PCDHGA4: variants seen among roughly 807,000 people sequenced by gnomAD.
PCDHGA4 encodes protocadherin gamma subfamily A, 4.
A neutral mutation model predicts 54.6 loss-of-function variants in PCDHGA4; 38 were observed. The observed-to-expected ratio is 0.70, with a 90% CI of 0.54 to 0.91. The LOEUF (loss-of-function observed/expected upper bound fraction) is 0.91. PCDHGA4 is among the 40% of genes least tolerant of loss of function. The pLI is 0.00. For synonymous variants in PCDHGA4, 511 were observed against 512.9 expected, an observed-to-expected ratio of 1.00 and a Z score of 0.05; for missense variants, 1,298 against 1,220.9, an observed-to-expected ratio of 1.06 and a Z score of -0.94.
chr5:141,445,416 T>C lies in PCDHGA4; in HGVS notation c.2515-49391T>C, dbSNP rs190826518. ...TAACAAATATTTATTAACTGTCTGC[T>C]ATATGCAAGGCACTGACCTATGGAC... On this transcript the variant is annotated intron_variant, in intron 1 of 3. Coordinates refer to ENST00000571252, the MANE Select transcript of PCDHGA4 (RefSeq NM_018917.4). 2.2e-3 allele frequency among the ~76,000 whole-genome samples: 336 copies of C among 152,342 alleles called. 1 individual carries two copies. The highest frequency in any genetic ancestry group is 0.01 in the Middle Eastern group (3 of 294).
intron 1 of PCDHGA4, chr5:141,403,543 G>C (rs1228327431): frequency 1.2e-6 from 2 of 1,614,006 alleles, no homozygotes; most frequent in Non-Finnish European, 1.7e-6. Context: ...TGGTGCTGGA[G>C]CGCGCCCTGG....
At chr5:141,421,619 C>G in intron 1 of PCDHGA4, 1 of 1,613,694 alleles carries the variant, frequency 6.2e-7, no homozygotes, top group Non-Finnish European at 8.5e-7. Flanking sequence ...AATGATAACG[C>G]CCCCAGCTTC....
chr5:141,448,145 A>G (rs2098568457), intron 1 of PCDHGA4, among the ~76,000 whole-genome samples: 1 of 151,716 alleles, frequency 6.6e-6, no homozygotes, highest in South Asian at 2.1e-4. Flanking sequence ...TATACCTCAG[A>G]CTCACCCCTG....
Position 141,477,763 on chromosome 5 carries a change from C to G in PCDHGA4, c.2515-17044C>G, listed in dbSNP as rs763322593. The G allele has an allele frequency of 6.2e-7, 1 of 1,614,012 alleles. No homozygotes were observed. Among genetic ancestry groups the G allele is most frequent in the Non-Finnish European group, 8.5e-7 (1 of 1,180,032 alleles). Reference sequence around the variant, plus strand: ...ATGGGGGCACCCCGGTCCTAGCCACCAACATCAGCGTGAACATATTTGTCA... The same window carrying G: ...ATGGGGGCACCCCGGTCCTAGCCACGAACATCAGCGTGAACATATTTGTCA... On this transcript the variant is annotated intron_variant, in intron 1 of 3. Transcript: ENST00000571252. This position sits in a 1 kb window ranked among gnomAD's most constrained non-coding sequence, Gnocchi z 4.9.
At position 141,414,317 on chromosome 5, in the gene PCDHGA4, AG is replaced by A. The variant is rs757847465; in HGVS notation, c.2514+56697del. On this transcript the variant is annotated intron_variant, in intron 1 of 3. Transcript: ENST00000571252. The stretch of plus-strand genomic sequence containing the variant: ...TTAAATGTGCATGATTTAGACTCTG[AG>A]CAGAATGGACAGGTAACCTGTTCCA... The A allele has an allele frequency of 1.9e-6, 3 of 1,613,828 alleles. No individual in the cohort carries two copies. In the South Asian group the frequency reaches 3.3e-5, roughly 18 times the overall value.
Position 141,361,114 on chromosome 5 carries a change from C to G in PCDHGA4, c.2514+3493C>G, listed in dbSNP as rs1440406378. 11 of 1,613,872 alleles carry G rather than the reference C, an allele frequency of 6.8e-6. No individual in the cohort carries two copies. The highest frequency in any genetic ancestry group is 4.5e-5 in the East Asian group (2 of 44,896). On this transcript the variant is annotated intron_variant, in intron 1 of 3. Coordinates refer to ENST00000571252, the MANE Select transcript of PCDHGA4 (RefSeq NM_018917.4). Reference sequence around the variant, plus strand: ...TATCGAAGCAAAAGATCCTGGAGATCTAGCAGCCCACTGCAGTATCCAAGT... The same window carrying G: ...TATCGAAGCAAAAGATCCTGGAGATGTAGCAGCCCACTGCAGTATCCAAGT...
At chr5:141,421,601 T>C (rs1309928984) in intron 1 of PCDHGA4, 19 of 1,613,652 alleles carry the variant, frequency 1.2e-5, no homozygotes, top group Non-Finnish European at 1.6e-5. Context: ...GTGGAAATAA[T>C]AGATATTAAT....
intron 1 of PCDHGA4, chr5:141,440,535 G>A (rs1305958587): frequency 1.3e-5 from 2 of 152,154 alleles, no homozygotes; most frequent in East Asian, 1.9e-4. Flanking sequence ...CATGCACCAC[G>A]GTTCAGCAGG....
chr5:141,430,795 G>T (rs918154748), intron 1 of PCDHGA4: 7 of 1,522,458 alleles, frequency 4.6e-6, no homozygotes, highest in Non-Finnish European at 6.2e-6. Flanking sequence ...ACTACAAAGG[G>T]CTTGTCCTGC....
At chr5:141,478,251 T>C in intron 1 of PCDHGA4, 1 of 1,614,072 alleles carries the variant, frequency 6.2e-7, no homozygotes, top group Non-Finnish European at 8.5e-7. Context: ...GTGTTCGGAG[T>C]AATCATATTC....
intron 1 of PCDHGA4, chr5:141,441,550 G>C (rs2098254247): frequency 5.4e-6 from 1 of 184,034 alleles, no homozygotes; most frequent in Non-Finnish European, 1.1e-5. Context: ...AGCCTCCATA[G>C]TGTGCAAGTA....
chr5:141,370,214 C>T (rs988145754), intron 1 of PCDHGA4: 21 of 565,608 alleles, frequency 3.7e-5, no homozygotes, highest in African/African-American at 3.8e-5. Context: ...ATTGGCTCCT[C>T]CCGCTGCAGC....
chr5:141,434,092 A>C (rs1333686339), intron 1 of PCDHGA4, among the ~76,000 whole-genome samples: 1 of 152,172 alleles, frequency 6.6e-6, no homozygotes, highest in Non-Finnish European at 1.5e-5. Context: ...TTTGATGCTG[A>C]AATTGTCCCA....
intron 1 of PCDHGA4, chr5:141,384,016 G>A: frequency 6.2e-7 from 1 of 1,613,744 alleles, no homozygotes; most frequent in Non-Finnish European, 8.5e-7. Flanking sequence ...CTACCTACAA[G>A]ACAGAGATTC....
Position 141,357,010 on chromosome 5 carries a change from C to T in PCDHGA4, c.1903C>T (p.Leu635=), listed in dbSNP as rs1340112030. 1.2e-6 allele frequency: 2 copies of T among 1,614,032 alleles called. No homozygotes were observed. The highest frequency in any genetic ancestry group is 3.3e-5 in the Admixed American group (2 of 60,012). The change falls in exon 1 of 4, where the codon CTG becomes TTG. Residue 635 remains leucine (L), a synonymous_variant. Transcript: ENST00000571252. Reference sequence around the variant, plus strand: ...CAGAGACTCAGGTCAGAATGCCTGGCTGTCCTACAGCCTACTCAAGTCCAG... The same window carrying T: ...CAGAGACTCAGGTCAGAATGCCTGGTTGTCCTACAGCCTACTCAAGTCCAG... ...VDRDSGQNAW[L]SYSLLKSSEP... is the part of the protein sequence containing the mutation.
chr5:141,422,800 C>T, intron 1 of PCDHGA4: 1 of 1,614,214 alleles, frequency 6.2e-7, no homozygotes, highest in Non-Finnish European at 8.5e-7. Context: ...CGACTATGAG[C>T]AGTTTCGAGA....
intron 1 of PCDHGA4, among the ~76,000 whole-genome samples, chr5:141,445,119 T>C (rs975225604): frequency 1.3e-5 from 2 of 152,270 alleles, no homozygotes; most frequent in African/African-American, 4.8e-5. Context: ...TTGTAAATAG[T>C]ATTTTTAAAA....
At chr5:141,406,011 G>A (rs1380278745) in intron 1 of PCDHGA4, among the ~76,000 whole-genome samples, 7 of 151,702 alleles carry the variant, frequency 4.6e-5, no homozygotes, top group African/African-American at 1.7e-4. Context: ...CATTGATGTG[G>A]GCTTTTTGGG....
At chr5:141,472,455 G>A (rs191633108) in intron 1 of PCDHGA4, among the ~76,000 whole-genome samples, 2 of 151,972 alleles carry the variant, frequency 1.3e-5, no homozygotes, top group South Asian at 2.1e-4. Context: ...CAGGAGAATC[G>A]CTTGAACCCA....
Sources: allele counts gnomAD v4.1 joint callset (sites outside exome capture counted in the v4.1 genomes callset), GRCh38; gene constraint gnomAD v4.1.1; non-coding constraint Gnocchi (gnomAD v3.1); transcripts MANE v1.5; gene names NCBI Gene and HGNC (gene_info 2026-07-23, HGNC 2026-07-21).